The following ZNF644 variants were observed in gnomAD, a reference collection of about 807,000 sequenced individuals.
The protein encoded by ZNF644 is zinc finger motif enhancer binding protein 2.
Under a neutral mutation model 108.0 loss-of-function variants are expected in ZNF644, and 20 were observed. That is an observed-to-expected ratio of 0.19 (90% CI 0.13 to 0.27). The LOEUF (loss-of-function observed/expected upper bound fraction) is 0.27, where lower values mean the gene tolerates loss of function less well. Ranked by LOEUF, ZNF644 falls within the 10% of genes least tolerant of loss-of-function variation. The pLI is 1.00. For synonymous variants in ZNF644, 542 were observed against 539.1 expected (o/e 1.01, Z -0.08); for missense variants, 1,338 against 1,548.9 (o/e 0.86, Z 2.29).
intron 1 of ZNF644, among the ~76,000 whole-genome samples, chr1:90,999,166 A>C (rs1658493939): frequency 6.6e-6 from 1 of 152,196 alleles, no homozygotes; most frequent in Non-Finnish European, 1.5e-5. Flanking sequence ...AGGCAGGCCA[A>C]CATTCAAATT....
At chr1:90,917,860 T>A (rs2100760116) in intron 5 of ZNF644, among the ~76,000 whole-genome samples, 192 bp downstream of exon 5, 1 of 152,328 alleles carries the variant, frequency 6.6e-6, no homozygotes, top group South Asian at 2.1e-4. Flanking sequence ...GTAAAAAACT[T>A]GATTCATTAG....
chr1:91,003,840 C>G (rs966035871), intron 1 of ZNF644, among the ~76,000 whole-genome samples: 2 of 151,654 alleles, frequency 1.3e-5, no homozygotes, highest in African/African-American at 4.9e-5. Context: ...ATTCAAATAA[C>G]TAAAAGAAAC....
chr1:90,970,562 C>T (rs1391844608), intron 2 of ZNF644, among the ~76,000 whole-genome samples: 1 of 151,926 alleles, frequency 6.6e-6, no homozygotes, highest in Non-Finnish European at 1.5e-5. Context: ...ATGTTCAGTC[C>T]CCTTCTGAAA....
chr1:90,935,502 C>A, intron 4 of ZNF644: 3 of 985,860 alleles, frequency 3.0e-6, no homozygotes, highest in Non-Finnish European at 3.6e-6. Flanking sequence ...TATTGCAATG[C>A]ACACATGTTC....
chr1:90,950,797 G>A (rs1365615021), intron 2 of ZNF644, among the ~76,000 whole-genome samples: 1 of 152,144 alleles, frequency 6.6e-6, no homozygotes, highest in African/African-American at 2.4e-5. Context: ...AGTACAGACA[G>A]ACTTCTCAAA....
chr1:90,938,041 A>C lies in ZNF644; in HGVS notation c.3132T>G (p.Gly1044=). The change falls in exon 4 of 6, where the codon GGT becomes GGG. Residue 1044 remains glycine (G), a synonymous_variant. Transcript: ENST00000337393. This position sits in a 1 kb window ranked among gnomAD's most constrained non-coding sequence, Gnocchi z 4.2. ...TTSEHTCQLC[G]GWFDTKIGLS... Reference sequence around the variant, plus strand: ...ATCCAATTTTAGTATCAAACCAACCACCACAGAGCTGACAAGTGTGTTCAG... The same window carrying C: ...ATCCAATTTTAGTATCAAACCAACCCCCACAGAGCTGACAAGTGTGTTCAG... 1 of 1,610,694 alleles carries C rather than the reference A, an allele frequency of 6.2e-7. No homozygotes were observed. The highest frequency in any genetic ancestry group is 8.5e-7 in the Non-Finnish European group (1 of 1,179,806).
rs544799724 is a variant in ZNF644 at position 90,979,506 on chromosome 1, T to C, written c.44+2804A>G. On this transcript the variant is annotated intron_variant, in intron 2 of 5. Coordinates refer to ENST00000337393, the MANE Select transcript of ZNF644 (RefSeq NM_201269.3). The stretch of plus-strand genomic sequence containing the variant: ...AAACAAAAAAAGTATATAGTTTATA[T>C]ATGCTACATTACATATCTACAATTT... 2.0e-5 allele frequency among the ~76,000 whole-genome samples: 3 copies of C among 152,226 alleles called. No homozygotes were observed. The East Asian group carries it at 5.8e-4, about 29-fold the overall frequency.
rs185504369 is a variant in ZNF644 at position 90,950,496 on chromosome 1, G to A, written c.45-9187C>T. 2.4e-3 allele frequency among the ~76,000 whole-genome samples: 363 copies of A among 151,356 alleles called. 9 individuals are homozygous for A. The highest frequency in any genetic ancestry group is 0.021 in the Admixed American group (321 of 15,202). On this transcript the variant is annotated intron_variant, in intron 2 of 5. Transcript: ENST00000337393. ...AGTTTACAGAACCTGAGGATATTAA[G>A]TACTAGGCCTGGTAATGATGAATCT... is the stretch of plus-strand genomic sequence containing the variant.
rs1651556763 is a variant in ZNF644, at chr1:90,938,214, A to C, written c.3082+58T>G. 3.1e-6 allele frequency: 5 copies of C among 1,612,900 alleles called. No homozygotes were observed. In the South Asian group the frequency reaches 4.4e-5, roughly 14 times the overall value. ...AGACTAAATTCAAAAAAAACTTTTAAATCTTCAGAATTAGAACACAGACCT... is the reference window on the plus strand; with the variant it reads ...AGACTAAATTCAAAAAAAACTTTTACATCTTCAGAATTAGAACACAGACCT... On this transcript the variant is annotated intron_variant, in intron 3 of 5. Transcript: ENST00000337393. This position sits in a 1 kb window ranked among gnomAD's most constrained non-coding sequence, Gnocchi z 4.2.
chr1:90,940,362 T>C lies in ZNF644; in HGVS notation c.992A>G (p.Glu331Gly). 6.2e-7 allele frequency: 1 copy of C among 1,613,778 alleles called. No homozygotes were observed. The highest frequency in any genetic ancestry group is 8.5e-7 in the Non-Finnish European group (1 of 1,179,944). ...TTTCTGTGAGTCTACTGCTTGTAGCTCTTCATTTTGTTCTAGAAAGTCTAC... is the reference window on the plus strand; with the variant it reads ...TTTCTGTGAGTCTACTGCTTGTAGCCCTTCATTTTGTTCTAGAAAGTCTAC... ...QEVDFLEQNE[E>G]LQAVDSQKYA... The change falls in exon 3 of 6, where the codon GAG (glutamate) becomes GGG (glycine). Residue 331 changes from glutamate to glycine, a missense_variant. By Grantham distance (98) the Glu-to-Gly change is moderately conservative (BLOSUM62 -2). Transcript: ENST00000337393.
chr1:90,949,066 T>A (rs72953050), intron 2 of ZNF644, among the ~76,000 whole-genome samples: 2,033 of 152,208 alleles, frequency 0.013, 54 homozygotes, highest in African/African-American at 0.045. Flanking sequence ...ATTTACAATT[T>A]AATCTATTGA....
At chr1:90,998,244 C>A (rs1192083162) in intron 1 of ZNF644, among the ~76,000 whole-genome samples, 1 of 152,174 alleles carries the variant, frequency 6.6e-6, no homozygotes, top group Non-Finnish European at 1.5e-5. Context: ...GGAGAGACTG[C>A]CTCCTCAAGT....
At chr1:90,935,531 C>T (rs1436305842) in intron 4 of ZNF644, 1 of 985,704 alleles carries the variant, frequency 1.0e-6, no homozygotes, top group Non-Finnish European at 1.2e-6. Context: ...ACAGGCATAC[C>T]TATCATTCAA....
At chr1:90,930,737 T>C (rs1476029993) in intron 4 of ZNF644, among the ~76,000 whole-genome samples, 1 of 152,232 alleles carries the variant, frequency 6.6e-6, no homozygotes, top group Non-Finnish European at 1.5e-5. Context: ...TTTGTACATG[T>C]GGTCAAGATA....
Position 90,982,304 on chromosome 1 carries a change from A to T in ZNF644, c.44+6T>A. On this transcript the variant is annotated splice_donor_region_variant and intron_variant, in intron 2 of 5. Coordinates refer to ENST00000337393, the MANE Select transcript of ZNF644 (RefSeq NM_201269.3). ...TGTACATTTAACAAAGCAGTCTTCT[A>T]CTTACCTAGATTTTGTCTTATTAAC... The T allele has an allele frequency of 1.9e-6, 3 of 1,607,022 alleles. No individual in the cohort carries two copies. Among genetic ancestry groups the T allele is most frequent in the Non-Finnish European group, 2.6e-6 (3 of 1,176,224 alleles).
intron 2 of ZNF644, among the ~76,000 whole-genome samples, chr1:90,945,467 GTCT>G (rs766700472): frequency 2.0e-5 from 3 of 152,050 alleles, no homozygotes; most frequent in Admixed American, 2.0e-4. Context: ...GGTCAGATCT[GTCT>G]TCAAGATGAC....
chr1:90,970,452 T>C (rs889247806), intron 2 of ZNF644, among the ~76,000 whole-genome samples: 1 of 152,202 alleles, frequency 6.6e-6, no homozygotes, highest in African/African-American at 2.4e-5. Context: ...CCAAGGCCTA[T>C]AGACTTTTTA....
At chr1:90,925,609 A>T (rs1649942345) in intron 4 of ZNF644, among the ~76,000 whole-genome samples, 1 of 151,972 alleles carries the variant, frequency 6.6e-6, no homozygotes, top group Non-Finnish European at 1.5e-5. Context: ...ATATTAAAAA[A>T]AAAAAAGCAA....
intron 4 of ZNF644, among the ~76,000 whole-genome samples, chr1:90,920,815 A>C (rs1649343828): frequency 6.6e-6 from 1 of 152,078 alleles, no homozygotes; most frequent in South Asian, 2.1e-4. Context: ...ACAAAGTTAA[A>C]ATATTAAAAA....
Sources: gnomAD v4.1 joint callset for allele counts (sites outside exome capture counted in the v4.1 genomes callset) on GRCh38, gnomAD v4.1.1 for gene constraint, Gnocchi (gnomAD v3.1) non-coding constraint, MANE v1.5 for transcripts, NCBI Gene and HGNC (gene_info 2026-07-23, HGNC 2026-07-21) for gene names.